Variants in TPRG1 observed in about 807,000 individuals in gnomAD.
The protein encoded by TPRG1 is tumor protein p63 regulated 1, also known as tumor protein p63-regulated gene 1 protein.
A neutral mutation model predicts 29.3 loss-of-function variants in TPRG1; 29 were observed. The observed-to-expected ratio is 0.99, with a 90% CI of 0.74 to 1.35. The LOEUF is 1.35. Among genes scored for constraint, TPRG1 ranks in the 40% most tolerant of loss-of-function variants. The pLI, the probability that TPRG1 is intolerant of heterozygous loss-of-function variation, is 0.00. For synonymous variants in TPRG1, 130 were observed against 116.8 expected, an observed-to-expected ratio of 1.11 and a Z score of -0.73; for missense variants, 327 against 335.0, an observed-to-expected ratio of 0.98 and a Z score of 0.19.
intron 4 of TPRG1, among the ~76,000 whole-genome samples, chr3:189,290,948 G>T (rs1718893231): frequency 6.6e-6 from 1 of 152,080 alleles, no homozygotes; most frequent in African/African-American, 2.4e-5. Context: ...TGTCACCCAG[G>T]CTGGAGTGCA....
At chr3:189,314,706 A>G (rs758575863) in intron 5 of TPRG1, among the ~76,000 whole-genome samples, 2 of 152,156 alleles carry the variant, frequency 1.3e-5, no homozygotes, top group African/African-American at 2.4e-5. Flanking sequence ...AAAAATATCT[A>G]GTATACTATT....
At chr3:189,279,577 C>T (rs1304214131) in intron 4 of TPRG1, among the ~76,000 whole-genome samples, 3 of 152,088 alleles carry the variant, frequency 2.0e-5, no homozygotes, top group Non-Finnish European at 4.4e-5. Context: ...CATAATTTTA[C>T]CTTTCTCAAG....
chr3:189,184,343 C>A (rs1254760638), intron 1 of TPRG1, among the ~76,000 whole-genome samples: 7 of 152,164 alleles, frequency 4.6e-5, no homozygotes, highest in Admixed American at 3.3e-4. Flanking sequence ...GTATTGCCAC[C>A]ATTGTCAATA....
intron 4 of TPRG1, among the ~76,000 whole-genome samples, chr3:189,302,642 C>T (rs1462676471): frequency 6.6e-6 from 1 of 152,138 alleles, no homozygotes; most frequent in Non-Finnish European, 1.5e-5. Context: ...CCAAATAGGC[C>T]ATTTAGATGC....
chr3:189,316,845 G>A (rs541252101), intron 5 of TPRG1, among the ~76,000 whole-genome samples: 73 of 152,324 alleles, frequency 4.8e-4, no homozygotes, highest in African/African-American at 1.7e-3. Context: ...AGATGACACA[G>A]CGTTCCTGTC....
chr3:189,150,600 G>C (rs1419625917), intron 4 of TPRG1: 1 of 152,156 alleles, frequency 6.6e-6, no homozygotes, highest in Non-Finnish European at 1.5e-5. Context: ...TGTGAGGCTT[G>C]GGACCAGGAT....
intron 1 of TPRG1, among the ~76,000 whole-genome samples, chr3:189,000,350 A>G (rs2152121254): frequency 6.6e-6 from 1 of 152,256 alleles, no homozygotes; most frequent in Non-Finnish European, 1.5e-5. Context: ...GGGCTAATTT[A>G]TTTCAGCATA....
At chr3:189,320,312 A>C (rs183346057) in intron 5 of TPRG1, among the ~76,000 whole-genome samples, 630 of 152,248 alleles carry the variant, frequency 4.1e-3, no homozygotes, top group Admixed American at 9.6e-3. Flanking sequence ...TACTAACAAA[A>C]TATTAAAGCA....
intron 4 of TPRG1, among the ~76,000 whole-genome samples, chr3:189,071,424 C>CAT (rs1716806740): frequency 6.6e-6 from 1 of 152,154 alleles, no homozygotes; most frequent in Admixed American, 6.5e-5. Context: ...CACACACACA[C>CAT]ACAAAGTAGC....
At chr3:189,065,742 T>A (rs7643222) in intron 4 of TPRG1, among the ~76,000 whole-genome samples, 22,876 of 151,992 alleles carry the variant, frequency 0.15, 3,422 homozygotes, top group African/African-American at 0.39. Context: ...TCCTCCTAAG[T>A]CTGAGAACAA....
chr3:189,303,560 G>A (rs1403382932), intron 4 of TPRG1, among the ~76,000 whole-genome samples: 1 of 151,992 alleles, frequency 6.6e-6, no homozygotes, highest in Non-Finnish European at 1.5e-5. Flanking sequence ...TACCAGTCCA[G>A]GGAGCTTACT....
intron 3 of TPRG1, among the ~76,000 whole-genome samples, chr3:189,014,573 C>T (rs1343949301): frequency 6.6e-6 from 1 of 152,118 alleles, no homozygotes; most frequent in Non-Finnish European, 1.5e-5. Context: ...TTAGAATTCC[C>T]ACATTTCATG....
At chr3:189,165,125 G>C (rs1727986698) in intron 5 of TPRG1, among the ~76,000 whole-genome samples, 1 of 152,102 alleles carries the variant, frequency 6.6e-6, no homozygotes, top group South Asian at 2.1e-4. Flanking sequence ...TGAGGATTTG[G>C]GATGGAGGGT....
Position 189,034,094 on chromosome 3 carries a change from A to G in TPRG1, c.-463+10148A>G, listed in dbSNP as rs115903607. ...AATAACCCCAGGATATTAAAAGTAG[A>G]ATGCATAACTTCTAAGCAACGAGAA... is the stretch of plus-strand genomic sequence containing the variant. On this transcript the variant is annotated intron_variant, in intron 4 of 10. Coordinates refer to the TPRG1 transcript ENST00000433971. Among the ~76,000 whole-genome samples, 773 of 152,364 alleles carry G rather than the reference A, an allele frequency of 5.1e-3. 2 individuals carry two copies. Among genetic ancestry groups the G allele is most frequent in the Non-Finnish European group, 8.3e-3 (568 of 68,032 alleles).
chr3:189,012,423 G>A (rs890927205), intron 3 of TPRG1, among the ~76,000 whole-genome samples: 1 of 152,122 alleles, frequency 6.6e-6, no homozygotes, highest in Admixed American at 6.6e-5. Flanking sequence ...GATGAATTAT[G>A]TTTATTAATT....
chr3:189,137,301 T>TGG (rs1723877190), intron 3 of TPRG1, among the ~76,000 whole-genome samples: 4 of 57,786 alleles, frequency 6.9e-5, no homozygotes, highest in Non-Finnish European at 1.1e-4. Flanking sequence ...CCAAAATGTG[T>TGG]GTGTGTGTGT....
rs1724547864 is a variant in TPRG1 at position 189,324,338 on chromosome 3, A to G, written c.*3518A>G. 1 of 152,170 alleles carries G rather than the reference A, an allele frequency of 6.6e-6. No individual in the cohort carries two copies. The highest frequency in any genetic ancestry group is 6.6e-5 in the Admixed American group (1 of 15,260). The allele number at this position is 152,170 out of a possible 1,614,324, so 9.4% of individuals were successfully genotyped here. A position where few individuals can be genotyped will look rare whatever the true frequency, so the allele number is the denominator to read the frequency against. On this transcript the variant is annotated 3_prime_UTR_variant, in exon 6 of 6. Transcript: ENST00000345063. ...GTGAACTTTTGGAAATACTGAGATT[A>G]GACTACATTTTCCAATTTCTATCCC...
chr3:189,127,240 C>T (rs866416738), intron 2 of TPRG1: 3 of 152,138 alleles, frequency 2.0e-5, no homozygotes, highest in Admixed American at 2.0e-4. Context: ...GGAGTGGCAA[C>T]CAAAAAGGAA....
chr3:189,250,865 C>A (rs1428545456), intron 4 of TPRG1, among the ~76,000 whole-genome samples: 2 of 151,908 alleles, frequency 1.3e-5, no homozygotes, highest in Non-Finnish European at 2.9e-5. Flanking sequence ...CCTTCAACAC[C>A]CAGGAAAAGG....
Sources: allele counts gnomAD v4.1 joint callset (sites outside exome capture counted in the v4.1 genomes callset), GRCh38; gene constraint gnomAD v4.1.1; transcripts MANE v1.5; gene names NCBI Gene and HGNC (gene_info 2026-07-23, HGNC 2026-07-21).